The following CNTN1 variants were observed in gnomAD, a reference collection of about 807,000 sequenced individuals.
The protein encoded by CNTN1 is contactin 1, also known as contactin-1.
A neutral mutation model predicts 126.4 loss-of-function variants in CNTN1; 38 were observed. That is an observed-to-expected ratio of 0.30 (90% CI 0.23 to 0.39). CNTN1 has a LOEUF of 0.39. Ranked by LOEUF, CNTN1 falls within the 10% of genes least tolerant of loss-of-function variation. The pLI, the probability that CNTN1 is intolerant of heterozygous loss-of-function variation, is 1.00. For synonymous variants in CNTN1, 413 were observed against 422.6 expected, an observed-to-expected ratio of 0.98 and a Z score of 0.28; for missense variants, 1,009 against 1,248.4, an observed-to-expected ratio of 0.81 and a Z score of 2.89.
intron 1 of CNTN1, among the ~76,000 whole-genome samples, chr12:40,745,363 T>C (rs1345741928): frequency 6.6e-6 from 1 of 152,122 alleles, no homozygotes; most frequent in Non-Finnish European, 1.5e-5. Context: ...TAGGGGGCCA[T>C]GAGACATCAG....
chr12:41,036,751 C>A (rs1949275993), intron 23 of CNTN1, among the ~76,000 whole-genome samples: 2 of 152,056 alleles, frequency 1.3e-5, no homozygotes, highest in Non-Finnish European at 2.9e-5. Flanking sequence ...TGTATATAGA[C>A]CTTTTTTCTG....
chr12:40,890,604 AT>A (rs1244557250), intron 1 of CNTN1, among the ~76,000 whole-genome samples: 3 of 152,130 alleles, frequency 2.0e-5, no homozygotes, highest in Admixed American at 6.5e-5. Flanking sequence ...ATCATACAGT[AT>A]ATAGTCTTTT....
intron 8 of CNTN1, 46 bp from the exon 9 acceptor site, chr12:40,933,651 T>C: frequency 6.3e-7 from 1 of 1,575,530 alleles, no homozygotes; most frequent in Middle Eastern, 1.7e-4. Flanking sequence ...AAAGTAATTG[T>C]CTTTTAAGTG....
intron 14 of CNTN1, among the ~76,000 whole-genome samples, chr12:40,951,330 G>A (rs923813873): frequency 6.6e-6 from 1 of 151,978 alleles, no homozygotes; most frequent in Non-Finnish European, 1.5e-5. Flanking sequence ...CACACTCTTA[G>A]TAATTATCTT....
At chr12:40,934,705 T>A (rs1447793630) in intron 9 of CNTN1, among the ~76,000 whole-genome samples, 1 of 152,016 alleles carries the variant, frequency 6.6e-6, no homozygotes, top group Non-Finnish European at 1.5e-5. Flanking sequence ...TTTGACAGAT[T>A]CACGCATTCT....
At chr12:41,068,056 T>C (rs1231911715) in intron 23 of CNTN1, among the ~76,000 whole-genome samples, 1 of 152,212 alleles carries the variant, frequency 6.6e-6, no homozygotes, top group African/African-American at 2.4e-5. Context: ...AGTTTCCTTC[T>C]GCATTTCTAA....
At position 40,918,706 on chromosome 12, in the gene CNTN1, G is replaced by A. The variant is rs1238013239; in HGVS notation, c.162G>A (p.Glu54=). ...AGCCAATCAATACCATTTATCCAGA[G>A]GAATCACTGGAAGGAAAAGTCTCAC... is the stretch of plus-strand genomic sequence containing the variant. ...EEQPINTIYP[E]ESLEGKVSLN... Residue 54 remains glutamate, a synonymous_variant, in exon 4 of 24, where the codon GAG becomes GAA. Transcript: ENST00000551295. 1.2e-6 allele frequency: 2 copies of A among 1,613,610 alleles called. No homozygotes were observed. Among genetic ancestry groups the A allele is most frequent in the Non-Finnish European group, 1.7e-6 (2 of 1,179,656 alleles).
intron 1 of CNTN1, among the ~76,000 whole-genome samples, chr12:40,747,148 A>G (rs185440182): frequency 4.6e-5 from 7 of 152,230 alleles, no homozygotes; most frequent in Admixed American, 3.3e-4. Context: ...TGTCTCTATC[A>G]TTTAGTTTCC....
At chr12:40,943,482 C>T (rs529213953) in intron 12 of CNTN1, 115 bp from the exon 13 acceptor site, 50 of 757,290 alleles carry the variant, frequency 6.6e-5, no homozygotes, top group Middle Eastern at 3.7e-4. Flanking sequence ...TGTCTGTGGT[C>T]GCATGATTTA....
chr12:40,720,883 C>T (rs576028143), intron 1 of CNTN1, among the ~76,000 whole-genome samples: 1 of 151,652 alleles, frequency 6.6e-6, no homozygotes, highest in East Asian at 1.9e-4. Flanking sequence ...GAGCTGAGAT[C>T]GCACCACTGC....
chr12:40,872,858 CT>C (rs1943550760), intron 1 of CNTN1, among the ~76,000 whole-genome samples: 2 of 152,088 alleles, frequency 1.3e-5, no homozygotes, highest in Non-Finnish European at 2.9e-5. Context: ...CCGTGTCCAG[CT>C]GTACTAAGCA....
chr12:40,898,782 G>A (rs1944503284), intron 1 of CNTN1, among the ~76,000 whole-genome samples: 2 of 152,198 alleles, frequency 1.3e-5, no homozygotes, highest in South Asian at 4.1e-4. Context: ...CCCTTCAGGG[G>A]TGGTCTCGTG....
chr12:40,788,830 A>C (rs1433628991), intron 1 of CNTN1, among the ~76,000 whole-genome samples: 2 of 152,120 alleles, frequency 1.3e-5, no homozygotes, highest in Non-Finnish European at 2.9e-5. Flanking sequence ...GCCTCATCAC[A>C]TATATCATAC....
chr12:40,935,280 C>T (rs977751030), intron 9 of CNTN1, among the ~76,000 whole-genome samples: 4 of 152,110 alleles, frequency 2.6e-5, no homozygotes, highest in Admixed American at 2.6e-4. Context: ...CCACCACTTT[C>T]TACTAGGTTT....
intron 1 of CNTN1, among the ~76,000 whole-genome samples, chr12:40,747,305 ATGTGTGTGTGTG>A (rs58826763): frequency 2.0e-5 from 3 of 148,250 alleles, no homozygotes; most frequent in Non-Finnish European, 4.5e-5. Flanking sequence ...TTGTGAAGGG[ATGTGTGTGTGTG>A]TGTGTGTGTG....
chr12:40,944,591 T>C (rs561822789), intron 14 of CNTN1, among the ~76,000 whole-genome samples: 1 of 152,156 alleles, frequency 6.6e-6, no homozygotes, highest in African/African-American at 2.4e-5. Flanking sequence ...CAAAATTATA[T>C]ATGTTGGAGA....
chr12:40,718,406 C>T (rs1365273866), intron 1 of CNTN1, among the ~76,000 whole-genome samples: 2 of 152,006 alleles, frequency 1.3e-5, no homozygotes, highest in African/African-American at 4.8e-5. Flanking sequence ...GTCTCGATCT[C>T]CTGACCTCAT....
At chr12:40,710,137 C>T (rs1941876678) in intron 1 of CNTN1, among the ~76,000 whole-genome samples, 1 of 151,900 alleles carries the variant, frequency 6.6e-6, no homozygotes, top group South Asian at 2.1e-4. Context: ...GACTTTTTTC[C>T]CAGAACCATC....
chr12:40,922,480 G>T (rs1373693745), intron 5 of CNTN1, 52 bp downstream of exon 5: 2 of 1,535,948 alleles, frequency 1.3e-6, no homozygotes. Flanking sequence ...GGTGAGTTCA[G>T]CAAGAAGAAC....
Sources: allele counts gnomAD v4.1 joint callset (sites outside exome capture counted in the v4.1 genomes callset), GRCh38; gene constraint gnomAD v4.1.1; transcripts MANE v1.5; gene names NCBI Gene and HGNC (gene_info 2026-07-23, HGNC 2026-07-21).